TET2: variants seen among roughly 807,000 people sequenced by gnomAD.
TET2 encodes the protein tet methylcytosine dioxygenase 2.
TET2 carries 299 observed loss-of-function variants against 142.9 expected under a neutral mutation model. The observed-to-expected ratio is 2.09, with a 90% CI of 1.90 to 2.30. The LOEUF (loss-of-function observed/expected upper bound fraction) is 2.30. TET2 is among the 30% of genes most tolerant of loss of function. The pLI, the probability that TET2 is intolerant of heterozygous loss-of-function variation, is 0.00. For synonymous variants in TET2, 819 were observed against 849.0 expected, an observed-to-expected ratio of 0.96 and a Z score of 0.61; for missense variants, 2,418 against 2,378.0, an observed-to-expected ratio of 1.02 and a Z score of -0.35.
In TET2 at chr4:105,236,254, GA is replaced by G; in HGVS notation, c.2313del (p.Glu772LysfsTer41). On this transcript the variant is annotated frameshift_variant, in exon 3 of 11. Coordinates refer to ENST00000380013, the MANE Select transcript of TET2 (RefSeq NM_001127208.3). LOFTEE classifies it high-confidence loss of function. ...PHPQSNNDQQ[R>X]EGSFFGQTKV... ...CCCCAAAGCAACAATGATCAGCAAA[GA>G]GAAGGATCATTCTTTGGCCAGACTA... 6.2e-7 allele frequency: 1 copy of G among 1,614,098 alleles called. No homozygotes were observed. Among genetic ancestry groups the G allele is most frequent in the Non-Finnish European group, 8.5e-7 (1 of 1,180,006 alleles).
Position 105,236,678 on chromosome 4 carries a change from G to T in TET2, c.2736G>T (p.Ala912=), listed in dbSNP as rs746543401. The change falls in exon 3 of 11, where the codon GCG becomes GCT. Residue 912 remains alanine (A), a synonymous_variant. Coordinates refer to ENST00000380013, the MANE Select transcript of TET2 (RefSeq NM_001127208.3). Reference sequence around the variant, plus strand: ...AAGATATGTCTGGTCAACAAGCTGCGCAACTTGCTCAGCAAAGGTACTTGA... The same window carrying T: ...AAGATATGTCTGGTCAACAAGCTGCTCAACTTGCTCAGCAAAGGTACTTGA... The part of the protein sequence containing the change: ...RNQDMSGQQA[A]QLAQQRYLIH... 6 of 1,613,936 alleles carry T rather than the reference G, an allele frequency of 3.7e-6. No homozygotes were observed. The highest frequency in any genetic ancestry group is 1.3e-5 in the African/African-American group (1 of 74,904).
intron 2 of TET2, among the ~76,000 whole-genome samples, chr4:105,225,015 G>T (rs1268420040): frequency 6.6e-6 from 1 of 152,016 alleles, no homozygotes; most frequent in Non-Finnish European, 1.5e-5. Context: ...TAATTAGTCT[G>T]TCATTTAGGC....
rs1730705271 is a variant in TET2, at chr4:105,266,888, C to G, written c.4045-2722C>G. Among the ~76,000 whole-genome samples the G allele has an allele frequency of 2.0e-5, 3 of 151,816 alleles. No individual in the cohort carries two copies. The South Asian group carries it at 6.2e-4, about 32-fold the overall frequency. ...ACTGTGAACCCACAGATCTCAGCAGCTCAGCAAACCCCAGATTAAAAAACA... is the reference window on the plus strand; with the variant it reads ...ACTGTGAACCCACAGATCTCAGCAGGTCAGCAAACCCCAGATTAAAAAACA... On this transcript the variant is annotated intron_variant, in intron 8 of 10. Coordinates refer to ENST00000380013, the MANE Select transcript of TET2 (RefSeq NM_001127208.3).
At position 105,276,165 on chromosome 4, in the gene TET2, TTTAAAGAATCCC is replaced by T; in HGVS notation, c.5656_5667del (p.Leu1886_Pro1889del). Reference sequence around the variant, plus strand: ...AGCGTGAGCTGCATGCCACAACCCCTTTAAAGAATCCCAATAGGAATCACCCCACCAGGATCT... The same window carrying T: ...AGCGTGAGCTGCATGCCACAACCCCTAATAGGAATCACCCCACCAGGATCT... On this transcript the variant is annotated inframe_deletion, in exon 11 of 11. Transcript: ENST00000380013. The T allele has an allele frequency of 6.4e-7, 1 of 1,551,602 alleles. No homozygotes were observed. Among genetic ancestry groups the T allele is most frequent in the Non-Finnish European group, 8.7e-7 (1 of 1,146,968 alleles).
chr4:105,239,669 C>A (rs2110244626), intron 3 of TET2: 1 of 236,442 alleles, frequency 4.2e-6, no homozygotes, highest in East Asian at 6.3e-5. Context: ...CTCTCCATAT[C>A]AGCAATAAGG....
At chr4:105,203,511 ACAGAAGGGAG>A (rs1560749232) in intron 2 of TET2, among the ~76,000 whole-genome samples, 31 of 152,024 alleles carry the variant, frequency 2.0e-4, no homozygotes, top group African/African-American at 7.5e-4. Context: ...ATTACATTAC[ACAGAAGGGAG>A]TGCCTGGCTT....
Position 105,272,718 on chromosome 4 carries a change from T to TA in TET2, c.4338dup (p.Leu1447ThrfsTer31). ...AAAAAACGGAGTGGTGCCATTCAGG[T>TA]ACTGAGTTCTTTTCGGCGAAAAGTC... On this transcript the variant is annotated frameshift_variant, in exon 10 of 11. Coordinates refer to ENST00000380013, the MANE Select transcript of TET2 (RefSeq NM_001127208.3). LOFTEE classifies it high-confidence loss of function. The TA allele has an allele frequency of 6.4e-7, 1 of 1,551,724 alleles. No homozygotes were observed. Among genetic ancestry groups the TA allele is most frequent in the Non-Finnish European group, 8.7e-7 (1 of 1,147,000 alleles).
At chr4:105,190,885 C>T (rs1263518876) in intron 2 of TET2, among the ~76,000 whole-genome samples, 1 of 152,164 alleles carries the variant, frequency 6.6e-6, no homozygotes, top group Non-Finnish European at 1.5e-5. Context: ...TCGTCTCAAT[C>T]TTGTTAAGGA....
intron 1 of TET2, among the ~76,000 whole-genome samples, chr4:105,175,911 C>A (rs1420909801): frequency 6.6e-6 from 1 of 152,074 alleles, no homozygotes; most frequent in Non-Finnish European, 1.5e-5. Context: ...TAGAGTGAGA[C>A]ATTTAAGATG....
intron 2 of TET2, among the ~76,000 whole-genome samples, chr4:105,205,406 A>G (rs1726756264): frequency 6.6e-6 from 1 of 152,188 alleles, no homozygotes; most frequent in African/African-American, 2.4e-5. Flanking sequence ...GATAAGGCAC[A>G]TGAGGTCTAA....
At chr4:105,147,264 T>C (rs904804625) in intron 1 of TET2, among the ~76,000 whole-genome samples, 4 of 152,254 alleles carry the variant, frequency 2.6e-5, no homozygotes, top group African/African-American at 9.6e-5. Context: ...GACGAGCCGG[T>C]TTCCCGGCCT....
At chr4:105,255,130 TTCAG>T (rs1730058002) in intron 6 of TET2, among the ~76,000 whole-genome samples, 1 of 152,226 alleles carries the variant, frequency 6.6e-6, no homozygotes, top group Admixed American at 6.5e-5. Context: ...CTATTTCTTC[TTCAG>T]TCAATTTTAG....
At chr4:105,269,515 T>C (rs1647094610) in intron 8 of TET2, 95 bp from the exon 9 acceptor site, 1 of 1,330,044 alleles carries the variant, frequency 7.5e-7, no homozygotes, top group Admixed American at 2.5e-5. Flanking sequence ...TTCAAAACAT[T>C]TTTTTAAAGT....
Position 105,276,849 on chromosome 4 carries a change from C to T in TET2, c.*330C>T, listed in dbSNP as rs528526296. Reference sequence around the variant, plus strand: ...ATATGTAAATGTGATCCCCCCCCCCCGCTTACAACTCTACACATCTGTGAC... The same window carrying T: ...ATATGTAAATGTGATCCCCCCCCCCTGCTTACAACTCTACACATCTGTGAC... On this transcript the variant is annotated 3_prime_UTR_variant, in exon 11 of 11. Coordinates refer to ENST00000380013, the MANE Select transcript of TET2 (RefSeq NM_001127208.3). The T allele has an allele frequency of 1.7e-4, 33 of 193,046 alleles. 1 individual carries two copies. Among genetic ancestry groups the T allele is most frequent in the Non-Finnish European group, 3.0e-4 (29 of 97,022 alleles). 12.0% of individuals were successfully genotyped at this position (193,046 alleles called of 1,614,324 possible).
intron 8 of TET2, among the ~76,000 whole-genome samples, chr4:105,263,486 GA>G (rs1306775379): frequency 6.6e-6 from 1 of 152,168 alleles, no homozygotes; most frequent in Non-Finnish European, 1.5e-5. Context: ...GTATGGATGA[GA>G]AAAGAATTTG....
rs372758348 is a variant in TET2, at chr4:105,237,017, T to G, written c.3075T>G (p.Ile1025Met). 1 of 1,614,154 alleles carries G rather than the reference T, an allele frequency of 6.2e-7. No individual in the cohort carries two copies. Among genetic ancestry groups the G allele is most frequent in the Non-Finnish European group, 8.5e-7 (1 of 1,180,022 alleles). ...SCDNVQQKSI[I>M]ETMEQHLKQF... ...ATAATGTGCAGCAAAAGAGCATCAT[T>G]GAGACCATGGAGCAGCATCTGAAGC... The change falls in exon 3 of 11, where the codon ATT becomes ATG. Residue 1025 changes from isoleucine (I) to methionine (M), a missense_variant. Coordinates refer to ENST00000380013, the MANE Select transcript of TET2 (RefSeq NM_001127208.3).
intron 2 of TET2, among the ~76,000 whole-genome samples, chr4:105,205,933 C>T (rs773124235): frequency 5.3e-5 from 8 of 152,112 alleles, no homozygotes; most frequent in East Asian, 3.9e-4. Flanking sequence ...CACACCCAGC[C>T]GAAAACATTA....
chr4:105,216,619 T>A (rs1455229952), intron 2 of TET2, among the ~76,000 whole-genome samples: 1 of 152,100 alleles, frequency 6.6e-6, no homozygotes, highest in Admixed American at 6.6e-5. Context: ...ATATAAACTT[T>A]AAAAGTAATG....
rs768670105 is a variant in TET2 at position 105,234,771 on chromosome 4, G to A, written c.829G>A (p.Ala277Thr). 34 of 1,613,652 alleles carry A rather than the reference G, an allele frequency of 2.1e-5. No individual in the cohort carries two copies. Among genetic ancestry groups the A allele is most frequent in the Middle Eastern group, 1.6e-4 (1 of 6,080 alleles). ...PSHTSGQINS[A>T]QTSNSELPPK... ...GCATACCTCAGGGCAGATCAATTCC[G>A]CACAGACCTCTAACTCTGAGCTGCC... is the stretch of plus-strand genomic sequence containing the variant. Residue 277 changes from alanine (A) to threonine (T), a missense_variant, in exon 3 of 11, where the codon GCA becomes ACA. By Grantham distance (58) the Ala-to-Thr change is moderately conservative. Transcript: ENST00000380013.
Sources: gnomAD v4.1 joint callset for allele counts (sites outside exome capture counted in the v4.1 genomes callset) on GRCh38, gnomAD v4.1.1 for gene constraint, MANE v1.5 for transcripts, NCBI Gene and HGNC (gene_info 2026-07-23, HGNC 2026-07-21) for gene names.